The following NDUFS1 variants were observed in gnomAD, a reference collection of about 807,000 sequenced individuals.
NDUFS1 encodes the protein NADH-ubiquinone oxidoreductase 75 kDa subunit, mitochondrial.
Under a neutral mutation model 84.4 loss-of-function variants are expected in NDUFS1, and 61 were observed. That is an observed-to-expected ratio of 0.72 (90% CI 0.59 to 0.89). The LOEUF is 0.89. NDUFS1 is among the 40% of genes least tolerant of loss of function. The probability of loss-of-function intolerance (pLI) is 0.00; values close to 1 mark genes in which losing one functional copy is unlikely to be tolerated. For synonymous variants in NDUFS1, 275 were observed against 290.0 expected (o/e 0.95, Z 0.53); for missense variants, 891 against 890.0 (o/e 1.00, Z -0.01).
chr2:206,144,170 A>T (rs748224186), intron 9 of NDUFS1, 38 bp from the exon 10 acceptor site: 1 of 1,456,700 alleles, frequency 6.9e-7, no homozygotes, highest in Non-Finnish European at 9.6e-7. Flanking sequence ...GAATCTTGCT[A>T]AAGAAGTAAC....
chr2:206,117,096 A>AG lies in NDUFS1; in HGVS notation c.*7088dup, dbSNP rs1235828592. 2 of 152,250 alleles carry AG rather than the reference A, an allele frequency of 1.3e-5. No homozygotes were observed. The highest frequency in any genetic ancestry group is 2.9e-5 in the Non-Finnish European group (2 of 68,080). 9.4% of individuals were successfully genotyped at this position (152,250 alleles called of 1,614,324 possible). A position where few individuals can be genotyped will look rare whatever the true frequency, so the allele number is the denominator to read the frequency against. On this transcript the variant is annotated 3_prime_UTR_variant, in exon 19 of 19. Coordinates refer to ENST00000233190, the MANE Select transcript of NDUFS1 (RefSeq NM_005006.7). ...GTAGTTCCAGCTGTTCAGGAGGCTG[A>AG]GGCAGGAGGATTGCTTGATCCAGGG... is the stretch of plus-strand genomic sequence containing the variant.
In NDUFS1 at chr2:206,115,037, T is replaced by C. The variant is rs1365033595; in HGVS notation, c.*9148A>G. The C allele has an allele frequency of 6.6e-6, 1 of 152,252 alleles. No individual in the cohort carries two copies. Among genetic ancestry groups the C allele is most frequent in the Non-Finnish European group, 1.5e-5 (1 of 68,042 alleles). 9.4% of individuals were successfully genotyped at this position (152,252 alleles called of 1,614,324 possible). A position where few individuals can be genotyped will look rare whatever the true frequency, so the allele number is the denominator to read the frequency against. The stretch of plus-strand genomic sequence containing the variant: ...AAAAAAATTTTTCAGCAGTTCCCTA[T>C]TGATGGATATTTACATATTTTTGTT... On this transcript the variant is annotated 3_prime_UTR_variant, in exon 19 of 19. Coordinates refer to ENST00000233190, the MANE Select transcript of NDUFS1 (RefSeq NM_005006.7).
chr2:206,153,659 CTTACAGGTATCCT>C lies in NDUFS1; in HGVS notation c.7_19del (p.Arg3GlufsTer4). 1 of 1,537,720 alleles carries C rather than the reference CTTACAGGTATCCT, an allele frequency of 6.5e-7. No homozygotes were observed. Among genetic ancestry groups the C allele is most frequent in the Non-Finnish European group, 9.0e-7 (1 of 1,115,260 alleles). Reference sequence around the variant, plus strand: ...CTTAGAAAGGCCTACTAAGGCCTTTCTTACAGGTATCCTTAACATATTGCTAAAAATAAAACAA... The same window carrying C: ...CTTAGAAAGGCCTACTAAGGCCTTTCTAACATATTGCTAAAAATAAAACAA... On this transcript the variant is annotated frameshift_variant, in exon 2 of 19. Transcript: ENST00000233190. LOFTEE classifies it high-confidence loss of function.
chr2:206,124,142 T>C lies in NDUFS1; in HGVS notation c.*43A>G, dbSNP rs1691190241. ...GTAAAGGATCACTGCACTACAGTTG[T>C]CCATTAATTATCTGCGGCAAAACTG... On this transcript the variant is annotated 3_prime_UTR_variant, in exon 19 of 19. Coordinates refer to ENST00000233190, the MANE Select transcript of NDUFS1 (RefSeq NM_005006.7). 1 of 1,231,510 alleles carries C rather than the reference T, an allele frequency of 8.1e-7. No homozygotes were observed. The allele number at this position is 1,231,510 out of a possible 1,614,324, so 76.3% of individuals were successfully genotyped here.
intron 13 of NDUFS1, among the ~76,000 whole-genome samples, chr2:206,137,074 C>G (rs150593220): frequency 0.013 from 1,907 of 152,174 alleles, 22 homozygotes; most frequent in Non-Finnish European, 0.021. Context: ...TTTTTAATCA[C>G]CTCCACCACC....
chr2:206,150,789 C>A (rs1343731338), intron 3 of NDUFS1, among the ~76,000 whole-genome samples: 1 of 152,170 alleles, frequency 6.6e-6, no homozygotes, highest in African/African-American at 2.4e-5. Context: ...CAAATGATTT[C>A]TCTCCCCTCT....
chr2:206,151,077 T>C (rs1692354450), intron 3 of NDUFS1, among the ~76,000 whole-genome samples: 2 of 152,338 alleles, frequency 1.3e-5, no homozygotes, highest in East Asian at 3.9e-4. Flanking sequence ...TTTTGTAGTA[T>C]CCTGTCCCAA....
intron 14 of NDUFS1, among the ~76,000 whole-genome samples, chr2:206,130,810 T>A (rs1209393833): frequency 6.6e-6 from 1 of 152,230 alleles, no homozygotes; most frequent in Non-Finnish European, 1.5e-5. Context: ...AGAAATTTTA[T>A]GCCAACTGTA....
At chr2:206,158,784 T>C (rs4147711) in intron 1 of NDUFS1, among the ~76,000 whole-genome samples, 80,186 of 152,140 alleles carry the variant, frequency 0.53, 22,680 homozygotes, top group African/African-American at 0.74. Context: ...TGCAATGCAA[T>C]CCTGGGCTAA....
chr2:206,157,710 T>G (rs1197922648), intron 1 of NDUFS1, among the ~76,000 whole-genome samples: 1 of 152,304 alleles, frequency 6.6e-6, no homozygotes, highest in South Asian at 2.1e-4. Context: ...TAGCCCAACA[T>G]AAGAAATACA....
intron 16 of NDUFS1, 21 bp downstream of exon 16, chr2:206,127,776 G>A (rs369943240): frequency 6.2e-7 from 1 of 1,612,954 alleles, no homozygotes; most frequent in Non-Finnish European, 8.5e-7. Context: ...GCATCACTAA[G>A]AAATGACTCA....
chr2:206,134,512 G>C (rs1001235824), intron 13 of NDUFS1, among the ~76,000 whole-genome samples: 1 of 151,886 alleles, frequency 6.6e-6, no homozygotes, highest in Non-Finnish European at 1.5e-5. Context: ...TGTGGTCCCA[G>C]TGGTGGCTGC....
chr2:206,136,792 G>T (rs1691734142), intron 13 of NDUFS1, among the ~76,000 whole-genome samples: 1 of 150,170 alleles, frequency 6.7e-6, no homozygotes, highest in Non-Finnish European at 1.5e-5. Flanking sequence ...TTTCACTCCT[G>T]TTGCCCAGGC....
rs1047715556 is a variant in NDUFS1, at chr2:206,153,780, T to C, written c.-4-98A>G. The C allele has an allele frequency of 3.8e-5, 27 of 701,942 alleles. No homozygotes were observed. The African/African-American group carries it at 4.0e-4, about 10-fold the overall frequency. 43.5% of individuals were successfully genotyped at this position (701,942 alleles called of 1,614,324 possible). On this transcript the variant is annotated intron_variant, in intron 1 of 18. Coordinates refer to ENST00000233190, the MANE Select transcript of NDUFS1 (RefSeq NM_005006.7). ...GCTTTAAATTATTTCACATACATTATGTCATTGAACACTCATAGGTTCTGA... is the reference window on the plus strand; with the variant it reads ...GCTTTAAATTATTTCACATACATTACGTCATTGAACACTCATAGGTTCTGA...
In NDUFS1 at chr2:206,116,016, A is replaced by G. The variant is rs545242871; in HGVS notation, c.*8169T>C. 60 of 771,556 alleles carry G rather than the reference A, an allele frequency of 7.8e-5. No homozygotes were observed. In the South Asian group the frequency reaches 8.2e-4, roughly 10 times the overall value. 47.8% of individuals were successfully genotyped at this position (771,556 alleles called of 1,614,324 possible). ...TTTTTTTTTCCCATGGGTAATGCTA[A>G]AAGTTGCTATTCTAAGTCTTCTATC... On this transcript the variant is annotated 3_prime_UTR_variant, in exon 19 of 19. Transcript: ENST00000233190.
At chr2:206,159,163 C>G (rs1359543274) in intron 1 of NDUFS1, 178 bp downstream of exon 1, 8 of 1,535,414 alleles carry the variant, frequency 5.2e-6, no homozygotes, top group Non-Finnish European at 7.0e-6. Context: ...GACCAGAGAC[C>G]GTGGCTAAAA....
intron 15 of NDUFS1, 101 bp from the exon 16 acceptor site, chr2:206,128,073 G>C (rs573875836): frequency 7.5e-7 from 1 of 1,340,864 alleles, no homozygotes; most frequent in South Asian, 1.3e-5. Flanking sequence ...ATTTTGTAAA[G>C]TCACAAAAGT....
rs1691984268 is a variant in NDUFS1 at position 206,142,072 on chromosome 2, A to G, written c.1134-3T>C. On this transcript the variant is annotated splice_region_variant and splice_polypyrimidine_tract_variant and intron_variant, in intron 11 of 18. Transcript: ENST00000233190. The stretch of plus-strand genomic sequence containing the variant: ...GATAATTGGAACGCAAATCTGTGCT[A>G]GAAATACAATATATAAAATGCAAAT... 6.3e-7 allele frequency: 1 copy of G among 1,586,784 alleles called. No individual in the cohort carries two copies. The highest frequency in any genetic ancestry group is 1.3e-5 in the African/African-American group (1 of 74,368).
intron 5 of NDUFS1, 38 bp from the exon 6 acceptor site, chr2:206,147,872 T>C: frequency 6.5e-7 from 1 of 1,543,816 alleles, no homozygotes. Flanking sequence ...GACTCTCAAA[T>C]ACACACACAC....
Sources: gnomAD v4.1 joint callset for allele counts (sites outside exome capture counted in the v4.1 genomes callset) on GRCh38, gnomAD v4.1.1 for gene constraint, MANE v1.5 for transcripts, NCBI Gene and HGNC (gene_info 2026-07-23, HGNC 2026-07-21) for gene names.